Variants in MSRA observed in about 807,000 individuals in gnomAD.
The protein encoded by MSRA is mitochondrial peptide methionine sulfoxide reductase.
A neutral mutation model predicts 31.3 loss-of-function variants in MSRA; 54 were observed. The observed-to-expected ratio is 1.73, with a 90% confidence interval of 1.39 to 2.17. The LOEUF (loss-of-function observed/expected upper bound fraction) is 2.17, where lower values mean the gene tolerates loss of function less well. Ranked by LOEUF, MSRA falls within the 30% of genes most tolerant of loss-of-function variation. The pLI is 0.00. For missense variants in MSRA, 507 were observed against 300.9 expected (o/e 1.69, Z -5.07); for synonymous variants, 169 against 116.5 (o/e 1.45, Z -2.90).
chr8:10,419,954 G>A (rs1023116151), intron 5 of MSRA, among the ~76,000 whole-genome samples: 2 of 152,166 alleles, frequency 1.3e-5, no homozygotes, highest in African/African-American at 2.4e-5. Flanking sequence ...CAGGGTCAGC[G>A]CTGGAAGCTG....
intron 1 of MSRA, among the ~76,000 whole-genome samples, chr8:10,183,228 G>C (rs1424749488): frequency 1.3e-5 from 2 of 152,118 alleles, no homozygotes; most frequent in African/African-American, 4.8e-5. Context: ...TGTCATTTTA[G>C]GCCATTGTCA....
intron 3 of MSRA, among the ~76,000 whole-genome samples, chr8:10,246,319 T>C (rs1027420707): frequency 2.6e-5 from 4 of 152,236 alleles, no homozygotes; most frequent in African/African-American, 9.6e-5. Context: ...TGGCAAATTC[T>C]GTCTCGAATA....
chr8:10,227,194 G>A (rs936931238), intron 2 of MSRA, among the ~76,000 whole-genome samples: 5 of 152,138 alleles, frequency 3.3e-5, no homozygotes, highest in Admixed American at 1.3e-4. Flanking sequence ...GCTTGGTGAC[G>A]ACGAGGCCCG....
rs144976250 is a variant in MSRA, at chr8:10,221,552, T to C, written c.211+13651T>C. ...ACTAGTTAATGGCAGAACTAGTTAATGGCCTGGCACTGAGATTATTTATTC... is the reference window on the plus strand; with the variant it reads ...ACTAGTTAATGGCAGAACTAGTTAACGGCCTGGCACTGAGATTATTTATTC... On this transcript the variant is annotated intron_variant, in intron 2 of 5. Transcript: ENST00000317173. Among the ~76,000 whole-genome samples the C allele has an allele frequency of 7.7e-3, 1,175 of 152,246 alleles. 13 individuals are homozygous for C. Among genetic ancestry groups the C allele is most frequent in the South Asian group, 0.058 (278 of 4,816 alleles).
chr8:10,059,837 G>A (rs553719257), intron 1 of MSRA, among the ~76,000 whole-genome samples: 75 of 152,254 alleles, frequency 4.9e-4, no homozygotes, highest in African/African-American at 1.5e-3. Flanking sequence ...TGAACAGACC[G>A]TTTACAGAAA....
At chr8:10,086,471 A>T (rs1217876442) in intron 1 of MSRA, among the ~76,000 whole-genome samples, 1 of 152,336 alleles carries the variant, frequency 6.6e-6, no homozygotes, top group South Asian at 2.1e-4. Context: ...TTCATTAAAT[A>T]ATGAAACCTG....
chr8:10,252,529 A>C (rs1459291679), intron 3 of MSRA, among the ~76,000 whole-genome samples: 1 of 152,178 alleles, frequency 6.6e-6, no homozygotes, highest in Non-Finnish European at 1.5e-5. Context: ...GTGACAGTAA[A>C]GAGCGCCTGC....
intron 1 of MSRA, among the ~76,000 whole-genome samples, chr8:10,087,830 A>C (rs1798647145): frequency 6.6e-6 from 1 of 152,198 alleles, no homozygotes; most frequent in Non-Finnish European, 1.5e-5. Flanking sequence ...TTTTAAATTT[A>C]TTTTAATTTT....
At position 10,307,248 on chromosome 8, in the gene MSRA, C is replaced by T. The variant is rs116534192; in HGVS notation, c.436+5610C>T. 8.5e-4 allele frequency among the ~76,000 whole-genome samples: 128 copies of T among 150,752 alleles called. 1 individual carries two copies. Among genetic ancestry groups the T allele is most frequent in the African/African-American group, 2.9e-3 (118 of 41,000 alleles). On this transcript the variant is annotated intron_variant, in intron 4 of 5. Coordinates refer to ENST00000317173, the MANE Select transcript of MSRA (RefSeq NM_012331.5). ...CAGTGGCACAATTGGCTTACTGCAA[C>T]TTCTGCCTCCCAAGCTCAAGACATC...
At position 10,318,374 on chromosome 8, in the gene MSRA, C is replaced by G. The variant is rs373673760; in HGVS notation, c.437-1509C>G. Among the ~76,000 whole-genome samples, 12 of 152,308 alleles carry G rather than the reference C, an allele frequency of 7.9e-5. No homozygotes were observed. In the East Asian group the frequency reaches 2.1e-3, roughly 27 times the overall value. On this transcript the variant is annotated intron_variant, in intron 4 of 5. Coordinates refer to ENST00000317173, the MANE Select transcript of MSRA (RefSeq NM_012331.5). Reference sequence around the variant, plus strand: ...AAGTACAGTGTCAGGCTCGTGACTACTCTTACCCCTCCCTCCCTCGTCCTG... The same window carrying G: ...AAGTACAGTGTCAGGCTCGTGACTAGTCTTACCCCTCCCTCCCTCGTCCTG...
chr8:10,147,360 C>A (rs531155195), intron 1 of MSRA, among the ~76,000 whole-genome samples: 1 of 152,282 alleles, frequency 6.6e-6, no homozygotes, highest in Non-Finnish European at 1.5e-5. Flanking sequence ...GCTTCCGCAG[C>A]AGCTCAGTCA....
At chr8:10,161,115 T>C (rs1002902015) in intron 1 of MSRA, among the ~76,000 whole-genome samples, 1 of 152,238 alleles carries the variant, frequency 6.6e-6, no homozygotes, top group Non-Finnish European at 1.5e-5. Context: ...ATCCACTTTC[T>C]AAATACGGTC....
intron 1 of MSRA, among the ~76,000 whole-genome samples, chr8:10,158,384 A>G (rs546093080): frequency 6.6e-6 from 1 of 152,278 alleles, no homozygotes; most frequent in East Asian, 1.9e-4. Flanking sequence ...ACTTCTTCCC[A>G]ACACTCCCCC....
chr8:10,161,352 C>G (rs369748302), intron 1 of MSRA, among the ~76,000 whole-genome samples: 1 of 152,182 alleles, frequency 6.6e-6, no homozygotes, highest in South Asian at 2.1e-4. Flanking sequence ...AATAAAGTTG[C>G]TGCAGTGCTG....
At chr8:10,407,339 G>C (rs1200626298) in intron 5 of MSRA, among the ~76,000 whole-genome samples, 1 of 152,206 alleles carries the variant, frequency 6.6e-6, no homozygotes, top group Non-Finnish European at 1.5e-5. Context: ...GTCATGACAT[G>C]AGTCAGTAAG....
At chr8:10,103,696 G>A (rs537548493) in intron 1 of MSRA, among the ~76,000 whole-genome samples, 1 of 151,894 alleles carries the variant, frequency 6.6e-6, no homozygotes, top group African/African-American at 2.4e-5. Context: ...CCAATAGACT[G>A]TTTTATATAT....
chr8:10,184,433 A>G (rs1008226905), intron 1 of MSRA, among the ~76,000 whole-genome samples: 1 of 151,914 alleles, frequency 6.6e-6, no homozygotes, highest in Non-Finnish European at 1.5e-5. Flanking sequence ...TTCTCTCTAG[A>G]TGTAAAAGGT....
intron 1 of MSRA, among the ~76,000 whole-genome samples, chr8:10,133,900 G>A (rs148502825): frequency 5.1e-4 from 77 of 152,074 alleles, no homozygotes; most frequent in African/African-American, 1.6e-3. Flanking sequence ...TCACAATCTC[G>A]GCTCACTGTG....
chr8:10,090,602 C>G (rs1798804692), intron 1 of MSRA, among the ~76,000 whole-genome samples: 1 of 152,186 alleles, frequency 6.6e-6, no homozygotes, highest in Admixed American at 6.5e-5. Context: ...CGTACATTCA[C>G]TTTGTTGTGC....
Sources: allele counts gnomAD v4.1 joint callset (sites outside exome capture counted in the v4.1 genomes callset), GRCh38; gene constraint gnomAD v4.1.1; transcripts MANE v1.5; gene names NCBI Gene and HGNC (gene_info 2026-07-23, HGNC 2026-07-21).